Variants in SLC16A4 observed in about 807,000 individuals in gnomAD.
SLC16A4 encodes the protein probable monocarboxylate transporter 5.
In SLC16A4, 39 loss-of-function variants were observed where a neutral mutation model predicts 47.9. The observed-to-expected ratio is 0.81, with a 90% CI of 0.63 to 1.06. The LOEUF is 1.06. Ranked by LOEUF, SLC16A4 falls within the 50% of genes least tolerant of loss-of-function variation. The probability of loss-of-function intolerance (pLI) is 0.00; values close to 1 mark genes in which losing one functional copy is unlikely to be tolerated. For missense variants in SLC16A4, 524 were observed against 573.8 expected (o/e 0.91, Z 0.89); for synonymous variants, 189 against 199.9 (o/e 0.95, Z 0.46).
rs143483978 is a variant in SLC16A4 at position 110,382,918 on chromosome 1, C to T, written c.136G>A (p.Val46Met). ...CCTTCAAACTCTTCTTGAAAGACCA[C>T]AAAGAAAATTGCAAAAGTCTTGGTC... is the stretch of plus-strand genomic sequence containing the variant. ...GMTKTFAIFF[V>M]VFQEEFEGTS... is the part of the protein sequence containing the mutation. Residue 46 changes from valine to methionine, a missense_variant, in exon 3 of 9, where the codon GTG becomes ATG. Val to Met is a conservative substitution (Grantham distance 21, BLOSUM62 1). Coordinates refer to ENST00000369779, the MANE Select transcript of SLC16A4 (RefSeq NM_004696.3). 57 of 1,612,336 alleles carry T rather than the reference C, an allele frequency of 3.5e-5. No homozygotes were observed. The highest frequency in any genetic ancestry group is 5.3e-5 in the African/African-American group (4 of 74,904).
At position 110,380,058 on chromosome 1, in the gene SLC16A4, C is replaced by CAAAAAAAAAA. The variant is rs542273389; in HGVS notation, c.527-712_527-703dup. On this transcript the variant is annotated intron_variant, in intron 5 of 8. Coordinates refer to ENST00000369779, the MANE Select transcript of SLC16A4 (RefSeq NM_004696.3). ...AATGACAAAGCGAGAGAGCCTGTCTCAAAAAAAAAAAAAAAGCAGCGGGAG... is the reference window on the plus strand; with the variant it reads ...AATGACAAAGCGAGAGAGCCTGTCTCAAAAAAAAAAAAAAAAAAAAAAAAAGCAGCGGGAG... Among the ~76,000 whole-genome samples the CAAAAAAAAAA allele has an allele frequency of 2.6e-4, 25 of 96,232 alleles. 1 individual carries two copies. The East Asian group carries it at 3.6e-3, about 14-fold the overall frequency. 63.1% of individuals were successfully genotyped at this position (96,232 alleles called of 152,430 possible). A position where few individuals can be genotyped will look rare whatever the true frequency, so the allele number is the denominator to read the frequency against.
At chr1:110,370,678 T>A (rs1039097177) in intron 8 of SLC16A4, 3 of 152,198 alleles carry the variant, frequency 2.0e-5, no homozygotes, top group African/African-American at 7.2e-5. Flanking sequence ...AGAGACATAC[T>A]TCTTTAGGAG....
At chr1:110,390,604 G>GCTA (rs2101092333) in intron 1 of SLC16A4, among the ~76,000 whole-genome samples, 1 of 152,278 alleles carries the variant, frequency 6.6e-6, no homozygotes, top group South Asian at 2.1e-4. Flanking sequence ...ATGACACTAT[G>GCTA]CTACCTTCTC....
intron 8 of SLC16A4, chr1:110,372,644 T>C (rs935412550): frequency 1.3e-5 from 2 of 152,228 alleles, no homozygotes; most frequent in Admixed American, 6.5e-5. Flanking sequence ...CTTCAACAGA[T>C]GGCTAATGGC....
intron 5 of SLC16A4, among the ~76,000 whole-genome samples, chr1:110,379,619 G>A (rs1662243785): frequency 6.6e-6 from 1 of 151,952 alleles, no homozygotes; most frequent in African/African-American, 2.4e-5. Flanking sequence ...GGGGTAGGGG[G>A]GGCAAGTTTT....
In SLC16A4 at chr1:110,381,812, A is replaced by C. The variant is rs763805221; in HGVS notation, c.221-17T>G. 6.2e-7 allele frequency: 1 copy of C among 1,605,926 alleles called. No homozygotes were observed. The highest frequency in any genetic ancestry group is 1.1e-5 in the South Asian group (1 of 89,516). On this transcript the variant is annotated splice_polypyrimidine_tract_variant and intron_variant, in intron 3 of 8. Transcript: ENST00000369779. Reference sequence around the variant, plus strand: ...CCAGGGGACCTTAAGAGAAGAAAGAAAGGCAATTCTTAGGTAAATAATGAT... The same window carrying C: ...CCAGGGGACCTTAAGAGAAGAAAGACAGGCAATTCTTAGGTAAATAATGAT...
chr1:110,379,434 G>T (rs1184246712), intron 5 of SLC16A4, 78 bp from the exon 6 acceptor site: 1 of 1,328,402 alleles, frequency 7.5e-7, no homozygotes, highest in Non-Finnish European at 1.0e-6. Context: ...GCTCAGAAGA[G>T]GCCCCACTGG....
intron 8 of SLC16A4, among the ~76,000 whole-genome samples, chr1:110,373,461 T>C (rs1384597743): frequency 1.3e-5 from 2 of 152,164 alleles, no homozygotes; most frequent in Non-Finnish European, 2.9e-5. Context: ...GGCCTCCTTT[T>C]ACTAGTCCCT....
At chr1:110,388,649 T>C (rs552546065) in intron 2 of SLC16A4, among the ~76,000 whole-genome samples, 8 of 152,276 alleles carry the variant, frequency 5.3e-5, no homozygotes, top group African/African-American at 1.9e-4. Context: ...GAACTGCTGA[T>C]TGTGACTGAG....
rs117642787 is a variant in SLC16A4 at position 110,381,157 on chromosome 1, G to A, written c.365-14C>T. The A allele has an allele frequency of 5.1e-5, 83 of 1,611,948 alleles. No individual in the cohort carries two copies. The East Asian group carries it at 8.0e-4, about 16-fold the overall frequency. ...CAGAACCCAAACCTAAAAGAAAAAC[G>A]TAATAGTTTAGAATCACTCTTACAT... On this transcript the variant is annotated splice_polypyrimidine_tract_variant and intron_variant, in intron 4 of 8. Transcript: ENST00000369779.
intron 8 of SLC16A4, chr1:110,371,443 G>A (rs1661678653): frequency 6.6e-6 from 1 of 152,204 alleles, no homozygotes; most frequent in African/African-American, 2.4e-5. Context: ...TTTCATGTAA[G>A]TAGCTTACAT....
At chr1:110,366,411 C>T (rs1008207748) in intron 8 of SLC16A4, among the ~76,000 whole-genome samples, 28 of 152,126 alleles carry the variant, frequency 1.8e-4, no homozygotes, top group African/African-American at 6.5e-4. Flanking sequence ...CCGCCTGCCT[C>T]AGCCTTCTAA....
At chr1:110,367,923 G>A (rs1371338068) in intron 8 of SLC16A4, among the ~76,000 whole-genome samples, 3 of 152,106 alleles carry the variant, frequency 2.0e-5, no homozygotes, top group East Asian at 1.9e-4. Context: ...CCGCCTCCCG[G>A]ATTCACACCA....
rs781280979 is a variant in SLC16A4 at position 110,363,873 on chromosome 1, G to C, written c.1357C>G (p.Gln453Glu). ...AAGTAGAAAGAGCCATTGTATGTCT[G>C]GGTATAATCATATAACCAGCCTGGA... ...PIAGWLYDYT[Q>E]TYNGSFYFSG... The change falls in exon 9 of 9, where the codon CAG becomes GAG. Residue 453 changes from glutamine (Q) to glutamate (E), a missense_variant. Coordinates refer to ENST00000369779, the MANE Select transcript of SLC16A4 (RefSeq NM_004696.3). 1 of 1,611,010 alleles carries C rather than the reference G, an allele frequency of 6.2e-7. No homozygotes were observed. Among genetic ancestry groups the C allele is most frequent in the South Asian group, 1.1e-5 (1 of 90,356 alleles).
chr1:110,384,505 G>T (rs1293635629), intron 2 of SLC16A4, among the ~76,000 whole-genome samples: 1 of 152,172 alleles, frequency 6.6e-6, no homozygotes, highest in Non-Finnish European at 1.5e-5. Flanking sequence ...TTATTTCTCA[G>T]AATTCTAGTT....
At chr1:110,382,458 C>CA (rs200469040) in intron 3 of SLC16A4, among the ~76,000 whole-genome samples, 3,804 of 136,992 alleles carry the variant, frequency 0.028, 73 homozygotes, top group Middle Eastern at 0.036. Flanking sequence ...GACTGTGTCT[C>CA]AAAAAAAAAA....
intron 1 of SLC16A4, among the ~76,000 whole-genome samples, chr1:110,390,086 A>G (rs1317514011): frequency 2.0e-5 from 3 of 152,222 alleles, no homozygotes; most frequent in African/African-American, 7.2e-5. Flanking sequence ...CTCTTTCCCT[A>G]TGATATAAAA....
chr1:110,380,563 A>G (rs1662316107), intron 5 of SLC16A4, among the ~76,000 whole-genome samples: 1 of 134,122 alleles, frequency 7.5e-6, no homozygotes, highest in Admixed American at 9.0e-5. Context: ...CCGATGGGGG[A>G]GGAGTTTTTT....
At chr1:110,385,009 T>C (rs1174115731) in intron 2 of SLC16A4, among the ~76,000 whole-genome samples, 1 of 152,088 alleles carries the variant, frequency 6.6e-6, no homozygotes, top group African/African-American at 2.4e-5. Context: ...AGACCTTGTC[T>C]CAAAATTAAT....
Sources: allele counts gnomAD v4.1 joint callset (sites outside exome capture counted in the v4.1 genomes callset), GRCh38; gene constraint gnomAD v4.1.1; transcripts MANE v1.5; gene names NCBI Gene and HGNC (gene_info 2026-07-23, HGNC 2026-07-21).